Variants in DAPK1 observed in about 807,000 individuals in gnomAD.
DAPK1 encodes the protein death associated protein kinase 1.
Under a neutral mutation model 144.9 loss-of-function variants are expected in DAPK1, and 56 were observed. The observed-to-expected ratio is 0.39, with a 90% CI of 0.31 to 0.48. The LOEUF is 0.48. Ranked by LOEUF, DAPK1 falls within the 20% of genes least tolerant of loss-of-function variation. The pLI, the probability that DAPK1 is intolerant of heterozygous loss-of-function variation, is 0.95. For synonymous variants in DAPK1, 690 were observed against 749.0 expected (o/e 0.92, Z 1.29); for missense variants, 1,454 against 1,875.4 (o/e 0.78, Z 4.15).
At chr9:87,547,595 G>A (rs1826301991) in intron 2 of DAPK1, among the ~76,000 whole-genome samples, 1 of 151,972 alleles carries the variant, frequency 6.6e-6, no homozygotes, top group African/African-American at 2.4e-5. Context: ...GTGTGTGTGT[G>A]TGTGTGTGTG....
intron 14 of DAPK1, 51 bp from the exon 15 acceptor site, chr9:87,648,730 T>A: frequency 6.6e-7 from 1 of 1,524,668 alleles, no homozygotes; most frequent in Non-Finnish European, 9.1e-7. Context: ...CTGGTCTCCA[T>A]AGCCTGCTCA....
chr9:87,529,788 G>A (rs1363173603), intron 2 of DAPK1, among the ~76,000 whole-genome samples: 1 of 152,236 alleles, frequency 6.6e-6, no homozygotes, highest in Non-Finnish European at 1.5e-5. Flanking sequence ...CTGGGAGAAT[G>A]CCAGGAGGCG....
intron 2 of DAPK1, among the ~76,000 whole-genome samples, chr9:87,549,039 A>G (rs552449711): frequency 3.0e-4 from 45 of 148,942 alleles, no homozygotes; most frequent in Middle Eastern, 3.6e-3. Context: ...AGATCATCCA[A>G]TCACCTAGAT....
chr9:87,649,313 G>A (rs1177681919), intron 15 of DAPK1, among the ~76,000 whole-genome samples: 1 of 152,180 alleles, frequency 6.6e-6, no homozygotes, highest in African/African-American at 2.4e-5. Flanking sequence ...GTGCATATAT[G>A]TATCTAGCGA....
intron 2 of DAPK1, among the ~76,000 whole-genome samples, chr9:87,514,369 TG>T (rs1357505687): frequency 1.3e-5 from 2 of 152,234 alleles, no homozygotes; most frequent in African/African-American, 2.4e-5. Flanking sequence ...CCCAGAGGTC[TG>T]GGCTGAGACA....
intron 3 of DAPK1, among the ~76,000 whole-genome samples, chr9:87,624,689 C>T (rs1354420062): frequency 6.6e-6 from 1 of 152,200 alleles, no homozygotes; most frequent in Non-Finnish European, 1.5e-5. Flanking sequence ...CTGAGTTGGC[C>T]AGAGCACCCG....
At chr9:87,659,553 G>A (rs768521655) in intron 18 of DAPK1, among the ~76,000 whole-genome samples, 14 of 152,228 alleles carry the variant, frequency 9.2e-5, no homozygotes, top group Non-Finnish European at 1.6e-4. Flanking sequence ...GCTGATTCCC[G>A]CAGTGCGGGT....
At chr9:87,604,800 G>A (rs1828652948) in intron 2 of DAPK1, among the ~76,000 whole-genome samples, 154 bp from the exon 3 acceptor site, 1 of 152,188 alleles carries the variant, frequency 6.6e-6, no homozygotes, top group Non-Finnish European at 1.5e-5. Flanking sequence ...GTAAATGAAT[G>A]ATGATAAGAA....
At chr9:87,508,877 GA>G (rs1439753227) in intron 2 of DAPK1, among the ~76,000 whole-genome samples, 2 of 152,132 alleles carry the variant, frequency 1.3e-5, no homozygotes, top group African/African-American at 4.8e-5. Flanking sequence ...AGCAATGCAA[GA>G]AAAAAAGTGG....
At chr9:87,625,730 TTTTA>T (rs949053040) in intron 3 of DAPK1, among the ~76,000 whole-genome samples, 1 of 152,234 alleles carries the variant, frequency 6.6e-6, no homozygotes, top group Non-Finnish European at 1.5e-5. Flanking sequence ...CCACATGCTA[TTTTA>T]TTGTTCTCAC....
At chr9:87,509,821 T>G (rs1824763831) in intron 2 of DAPK1, among the ~76,000 whole-genome samples, 1 of 152,230 alleles carries the variant, frequency 6.6e-6, no homozygotes, top group Non-Finnish European at 1.5e-5. Context: ...TCTTCTGGCG[T>G]CAGATGATCG....
chr9:87,678,850 A>C (rs763509022), intron 19 of DAPK1, among the ~76,000 whole-genome samples: 12 of 152,184 alleles, frequency 7.9e-5, no homozygotes, highest in Non-Finnish European at 1.3e-4. Flanking sequence ...AGATTTCCAC[A>C]GTGCCCACCA....
At chr9:87,517,757 G>A (rs1825118004) in intron 2 of DAPK1, among the ~76,000 whole-genome samples, 1 of 152,176 alleles carries the variant, frequency 6.6e-6, no homozygotes, top group South Asian at 2.1e-4. Flanking sequence ...ATCACTCTCT[G>A]CTAGCTGGGG....
Position 87,639,818 on chromosome 9 carries a change from A to G in DAPK1, c.629+3A>G. On this transcript the variant is annotated splice_donor_region_variant and intron_variant, in intron 7 of 25. Transcript: ENST00000408954. ...ATCGGGGTAATAACCTATATCCTGT[A>G]AGTATCAGAATTCACAACTCATACT... The G allele has an allele frequency of 1.2e-6, 2 of 1,613,366 alleles. No individual in the cohort carries two copies. The highest frequency in any genetic ancestry group is 1.7e-6 in the Non-Finnish European group (2 of 1,179,462).
At chr9:87,536,281 A>G (rs1390928615) in intron 2 of DAPK1, among the ~76,000 whole-genome samples, 1 of 152,106 alleles carries the variant, frequency 6.6e-6, no homozygotes, top group African/African-American at 2.4e-5. Context: ...GCTCCCAAAC[A>G]TGTTCTCAGG....
intron 2 of DAPK1, chr9:87,553,872 CT>C (rs1196248504): frequency 6.6e-6 from 1 of 152,216 alleles, no homozygotes; most frequent in East Asian, 1.9e-4. Flanking sequence ...AGACATGTGG[CT>C]TGTGGGCAGA....
chr9:87,517,525 A>G (rs1201991676), intron 2 of DAPK1, among the ~76,000 whole-genome samples: 1 of 152,096 alleles, frequency 6.6e-6, no homozygotes, highest in Non-Finnish European at 1.5e-5. Context: ...ACATCTTGCA[A>G]GACCCTTCAG....
chr9:87,573,203 G>A (rs1189211823), intron 2 of DAPK1, among the ~76,000 whole-genome samples: 1 of 152,190 alleles, frequency 6.6e-6, no homozygotes, highest in Non-Finnish European at 1.5e-5. Flanking sequence ...GTGTGTACAA[G>A]TTTGTGTCTT....
intron 18 of DAPK1, among the ~76,000 whole-genome samples, chr9:87,663,209 A>G (rs924133625): frequency 6.6e-6 from 1 of 152,108 alleles, no homozygotes; most frequent in African/African-American, 2.4e-5. Flanking sequence ...CGTAACCCTC[A>G]GCAGAGTCCC....
Sources: allele counts gnomAD v4.1 joint callset (sites outside exome capture counted in the v4.1 genomes callset), GRCh38; gene constraint gnomAD v4.1.1; transcripts MANE v1.5; gene names NCBI Gene and HGNC (gene_info 2026-07-23, HGNC 2026-07-21).